Variants in TTC1 observed in about 807,000 individuals in gnomAD.
TTC1 encodes the protein tetratricopeptide repeat protein 1.
TTC1 carries 31 observed loss-of-function variants against 37.6 expected under a neutral mutation model. The observed-to-expected ratio is 0.82, with a 90% CI of 0.62 to 1.11. The LOEUF (loss-of-function observed/expected upper bound fraction) is 1.11. Among genes scored for constraint, TTC1 ranks in the 50% most tolerant of loss-of-function variants. The pLI, the probability that TTC1 is intolerant of heterozygous loss-of-function variation, is 0.00. For missense variants in TTC1, 351 were observed against 339.0 expected, an observed-to-expected ratio of 1.04 and a Z score of -0.28; for synonymous variants, 127 against 122.4, an observed-to-expected ratio of 1.04 and a Z score of -0.25.
chr5:160,061,070 GA>G (rs1324179935), intron 7 of TTC1, among the ~76,000 whole-genome samples: 1 of 152,220 alleles, frequency 6.6e-6, no homozygotes, highest in Admixed American at 6.5e-5. Flanking sequence ...TGTGGCACGG[GA>G]ACCGTAGGCT....
chr5:160,065,407 C>A lies in TTC1; in HGVS notation c.*342C>A. Reference sequence around the variant, plus strand: ...AAAAGCCTCTCCTGAACCAAACAAACCTGTTGGTTGGGAGACTGCCCAGAC... The same window carrying A: ...AAAAGCCTCTCCTGAACCAAACAAAACTGTTGGTTGGGAGACTGCCCAGAC... On this transcript the variant is annotated 3_prime_UTR_variant, in exon 8 of 8. Transcript: ENST00000231238. 2.1e-6 allele frequency: 1 copy of A among 478,922 alleles called. No homozygotes were observed. The allele number at this position is 478,922 out of a possible 1,614,324, so 29.7% of individuals were successfully genotyped here. A position where few individuals can be genotyped will look rare whatever the true frequency, so the allele number is the denominator to read the frequency against.
At chr5:160,042,442 C>T (rs907061756) in intron 4 of TTC1, among the ~76,000 whole-genome samples, 8 of 152,138 alleles carry the variant, frequency 5.3e-5, no homozygotes, top group African/African-American at 1.9e-4. Context: ...GTCTACCCCG[C>T]TCCTATTTTA....
chr5:160,023,995 A>G lies in TTC1; in HGVS notation c.331-11145A>G, dbSNP rs1756759211. 9 of 1,531,632 alleles carry G rather than the reference A, an allele frequency of 5.9e-6. No individual in the cohort carries two copies. The South Asian group carries it at 6.7e-5, about 11-fold the overall frequency. 94.9% of individuals were successfully genotyped at this position (1,531,632 alleles called of 1,614,324 possible). A position where few individuals can be genotyped will look rare whatever the true frequency, so the allele number is the denominator to read the frequency against. ...TGGTCCCACCTGGTTGCATGAAACAATCTTTTGCAAAGTGGCCTTTACAGC... is the reference window on the plus strand; with the variant it reads ...TGGTCCCACCTGGTTGCATGAAACAGTCTTTTGCAAAGTGGCCTTTACAGC... On this transcript the variant is annotated intron_variant, in intron 2 of 7. Transcript: ENST00000231238.
At chr5:160,009,821 G>A (rs1183259994) in intron 1 of TTC1, among the ~76,000 whole-genome samples, 1 of 152,046 alleles carries the variant, frequency 6.6e-6, no homozygotes, top group Non-Finnish European at 1.5e-5. Flanking sequence ...AGCTGAGTGG[G>A]CTCTACCACA....
intron 2 of TTC1, among the ~76,000 whole-genome samples, chr5:160,025,805 C>T (rs1343317186): frequency 6.6e-6 from 1 of 152,128 alleles, no homozygotes. Flanking sequence ...GGTCTAGCTT[C>T]GTTGCCAGTG....
At chr5:160,064,131 G>A (rs976162331) in intron 7 of TTC1, among the ~76,000 whole-genome samples, 1 of 152,022 alleles carries the variant, frequency 6.6e-6, no homozygotes, top group African/African-American at 2.4e-5. Context: ...ACCACCCTCA[G>A]CTGATTTTTG....
At position 160,036,712 on chromosome 5, in the gene TTC1, C is replaced by A. The variant is rs144395879; in HGVS notation, c.413C>A (p.Ser138Tyr). ...KKGDYIEAES[S>Y]YSRALEMCPS... Reference sequence around the variant, plus strand: ...TCAGATTATATAGAAGCTGAAAGTTCTTATAGTCGAGCCCTCGAAATGTGC... The same window carrying A: ...TCAGATTATATAGAAGCTGAAAGTTATTATAGTCGAGCCCTCGAAATGTGC... The change falls in exon 4 of 8, where the codon TCT becomes TAT. Residue 138 changes from serine (S) to tyrosine (Y), a missense_variant. Physicochemically the swap from Ser to Tyr is moderately radical, Grantham distance 144. Coordinates refer to ENST00000231238, the MANE Select transcript of TTC1 (RefSeq NM_003314.3). 6.2e-7 allele frequency: 1 copy of A among 1,613,566 alleles called. No homozygotes were observed. The highest frequency in any genetic ancestry group is 1.7e-5 in the Admixed American group (1 of 60,010).
In TTC1 at chr5:160,049,678, T is replaced by TTAAAAATA; in HGVS notation, c.690+18_690+25dup. 1 of 1,542,434 alleles carries TTAAAAATA rather than the reference T, an allele frequency of 6.5e-7. No individual in the cohort carries two copies. Among genetic ancestry groups the TTAAAAATA allele is most frequent in the Non-Finnish European group, 8.7e-7 (1 of 1,151,372 alleles). ...AGCTTGTATGGTAAAACCTAAAATT[T>TTAAAAATA]TAAAAATATTTTTCCTTCTATTCTT... On this transcript the variant is annotated intron_variant, in intron 6 of 7. Coordinates refer to ENST00000231238, the MANE Select transcript of TTC1 (RefSeq NM_003314.3).
At chr5:160,049,164 C>T (rs1646190065) in intron 5 of TTC1, among the ~76,000 whole-genome samples, 1 of 152,094 alleles carries the variant, frequency 6.6e-6, no homozygotes, top group African/African-American at 2.4e-5. Context: ...CATTGGAAAG[C>T]AAAATATTTC....
chr5:160,034,918 C>G (rs1756976695), intron 2 of TTC1, among the ~76,000 whole-genome samples: 1 of 152,162 alleles, frequency 6.6e-6, no homozygotes, highest in Non-Finnish European at 1.5e-5. Flanking sequence ...GCCAAGAAGA[C>G]CTACATTTTT....
intron 4 of TTC1, among the ~76,000 whole-genome samples, chr5:160,042,321 T>C (rs924145117): frequency 1.3e-5 from 2 of 152,242 alleles, no homozygotes; most frequent in Non-Finnish European, 2.9e-5. Context: ...ACAGTAGGCA[T>C]TGTGAGAATA....
intron 2 of TTC1, among the ~76,000 whole-genome samples, chr5:160,020,923 A>G (rs752041327): frequency 6.6e-6 from 1 of 152,238 alleles, no homozygotes; most frequent in Non-Finnish European, 1.5e-5. Flanking sequence ...CCAAGACCCT[A>G]GTCCGTGGAA....
chr5:160,017,871 C>T (rs1245102349), intron 2 of TTC1, among the ~76,000 whole-genome samples: 1 of 152,154 alleles, frequency 6.6e-6, no homozygotes, highest in Non-Finnish European at 1.5e-5. Context: ...ACATTTCTTC[C>T]ACCCACTAGA....
At chr5:160,045,520 ACTCTCTCTCTCTCTCT>A (rs749296749) in intron 5 of TTC1, among the ~76,000 whole-genome samples, 9 of 54,884 alleles carry the variant, frequency 1.6e-4, no homozygotes, top group African/African-American at 7.0e-4. Flanking sequence ...ACACATACAC[ACTCTCTCTCTCTCTCT>A]CTCTCTCTCT....
intron 2 of TTC1, among the ~76,000 whole-genome samples, chr5:160,030,613 C>T (rs1292408743): frequency 6.6e-6 from 1 of 152,182 alleles, no homozygotes; most frequent in Non-Finnish European, 1.5e-5. Flanking sequence ...TTGAAATAAA[C>T]TCCGTTCATC....
At chr5:160,036,311 T>C (rs367752875) in intron 3 of TTC1, among the ~76,000 whole-genome samples, 4 of 152,174 alleles carry the variant, frequency 2.6e-5, no homozygotes, top group South Asian at 2.1e-4. Context: ...AGGCCATGGA[T>C]CCCAGAGTTT....
chr5:160,043,523 G>C (rs1246700168), intron 5 of TTC1, among the ~76,000 whole-genome samples: 1 of 152,156 alleles, frequency 6.6e-6, no homozygotes, highest in East Asian at 1.9e-4. Flanking sequence ...AGCCCAGGAG[G>C]TTGGGGCTGT....
intron 4 of TTC1, 102 bp downstream of exon 4, chr5:160,036,905 T>A: frequency 2.7e-6 from 2 of 729,676 alleles, no homozygotes; most frequent in East Asian, 2.7e-5. Context: ...GCTGCCTCCC[T>A]TTTCCTGCCC....
In TTC1 at chr5:160,043,211, A is replaced by G. The variant is rs199863528; in HGVS notation, c.541+42A>G. ...TTATTACATGTTAACATACAGGAGC[A>G]TTATGTCAGACAGAGGGGCTTTGGG... is the stretch of plus-strand genomic sequence containing the variant. On this transcript the variant is annotated intron_variant, in intron 5 of 7. Transcript: ENST00000231238. 3 of 1,609,368 alleles carry G rather than the reference A, an allele frequency of 1.9e-6. No individual in the cohort carries two copies. In the African/African-American group the frequency reaches 4.0e-5, roughly 21 times the overall value.
Sources: allele counts gnomAD v4.1 joint callset (sites outside exome capture counted in the v4.1 genomes callset), GRCh38; gene constraint gnomAD v4.1.1; transcripts MANE v1.5; gene names NCBI Gene and HGNC (gene_info 2026-07-23, HGNC 2026-07-21).